Variants in RAB27A observed in about 807,000 individuals in gnomAD.
The protein encoded by RAB27A is RAB27A, member RAS oncogene family, also known as ras-related protein Rab-27A.
A neutral mutation model predicts 20.8 loss-of-function variants in RAB27A; 17 were observed. The ratio of observed to expected loss-of-function variants is 0.82; its 90% confidence interval spans 0.56 to 1.23. RAB27A has a LOEUF of 1.23. Among genes scored for constraint, RAB27A ranks in the 50% most tolerant of loss-of-function variants. The pLI is 0.00. For missense variants in RAB27A, 277 were observed against 266.7 expected, an observed-to-expected ratio of 1.04 and a Z score of -0.27; for synonymous variants, 85 against 92.8, an observed-to-expected ratio of 0.92 and a Z score of 0.48.
In RAB27A at chr15:55,228,643, A is replaced by G. The variant is rs371984177; in HGVS notation, c.309T>C (p.Asn103=). 3 of 1,612,962 alleles carry G rather than the reference A, an allele frequency of 1.9e-6. No homozygotes were observed. In the African/African-American group the frequency reaches 4.0e-5, roughly 22 times the overall value. The part of the protein sequence containing the change: ...MGFLLLFDLT[N]EQSFLNVRNW... Reference sequence around the variant, plus strand: ...TTCTGACATTGAGGAAACTTTGCTCATTTGTCAGATCAAAAAGTAGAAGAA... The same window carrying G: ...TTCTGACATTGAGGAAACTTTGCTCGTTTGTCAGATCAAAAAGTAGAAGAA... Residue 103 remains asparagine, a synonymous_variant, in exon 5 of 7, where the codon AAT becomes AAC. Coordinates refer to ENST00000336787, the MANE Select transcript of RAB27A (RefSeq NM_183235.3).
chr15:55,295,767 T>C lies in RAB27A; in HGVS notation c.-112+18272A>G, dbSNP rs549760228. ...TGAGGTGATGAAACTGTCTTGGAAC[T>C]AGATAGAAGTGGTATTTGCACAACA... On this transcript the variant is annotated intron_variant, in intron 2 of 5. Coordinates refer to the RAB27A transcript ENST00000563262. Among the ~76,000 whole-genome samples, 7 of 152,300 alleles carry C rather than the reference T, an allele frequency of 4.6e-5. No homozygotes were observed. In the South Asian group the frequency reaches 1.5e-3, roughly 32 times the overall value.
intron 2 of RAB27A, among the ~76,000 whole-genome samples, chr15:55,239,274 G>A (rs1007192564): frequency 1.3e-5 from 2 of 152,052 alleles, no homozygotes; most frequent in Non-Finnish European, 2.9e-5. Context: ...AATATAGACT[G>A]GTTCAAAACA....
chr15:55,315,311 G>C (rs956378674), intron 1 of RAB27A, among the ~76,000 whole-genome samples: 2 of 152,070 alleles, frequency 1.3e-5, no homozygotes, highest in African/African-American at 4.8e-5. Context: ...AAAAAGTCTA[G>C]AAGAAAACCT....
chr15:55,232,969 T>TA (rs1896092299), intron 3 of RAB27A, among the ~76,000 whole-genome samples: 1 of 151,614 alleles, frequency 6.6e-6, no homozygotes, highest in Non-Finnish European at 1.5e-5. Context: ...ACTAAAAATA[T>TA]AAACAATTAG....
At chr15:55,282,623 C>G (rs1298112232) in intron 1 of RAB27A, among the ~76,000 whole-genome samples, 4 of 152,150 alleles carry the variant, frequency 2.6e-5, no homozygotes, top group African/African-American at 9.7e-5. Context: ...TTCCTGGCAG[C>G]TGCGAGCTTA....
intron 2 of RAB27A, among the ~76,000 whole-genome samples, chr15:55,253,902 C>T (rs1223125116): frequency 6.6e-6 from 1 of 152,072 alleles, no homozygotes; most frequent in Non-Finnish European, 1.5e-5. Context: ...TGTAAGTATC[C>T]ACGTGTTTAT....
intron 2 of RAB27A, among the ~76,000 whole-genome samples, chr15:55,244,242 G>C (rs1310611980): frequency 6.6e-6 from 1 of 152,190 alleles, no homozygotes; most frequent in Admixed American, 6.5e-5. Context: ...TTGAACCTGG[G>C]AGGTGGAGGT....
intron 2 of RAB27A, chr15:55,269,926 C>G (rs1897649186): frequency 6.6e-6 from 1 of 152,074 alleles, no homozygotes; most frequent in African/African-American, 2.4e-5. Flanking sequence ...TTTCTTTATT[C>G]AAGTACAGAA....
intron 2 of RAB27A, among the ~76,000 whole-genome samples, chr15:55,260,950 T>C (rs543992615): frequency 2.0e-5 from 3 of 151,450 alleles, no homozygotes; most frequent in Admixed American, 6.6e-5. Flanking sequence ...AATGTGTCAA[T>C]AGAGGTTCAT....
rs201632705 is a variant in RAB27A at position 55,266,822 on chromosome 15, C to T, written c.-23+3343G>A. Among the ~76,000 whole-genome samples the T allele has an allele frequency of 4.6e-5, 7 of 152,286 alleles. No individual in the cohort carries two copies. The East Asian group carries it at 9.7e-4, about 21-fold the overall frequency. On this transcript the variant is annotated intron_variant, in intron 2 of 6. Transcript: ENST00000336787. ...AACTACCACATTACACTGTACGGTA[C>T]ACAACCAGTTAAACATCTCTCATGT...
At chr15:55,231,551 G>T (rs1025604155) in intron 3 of RAB27A, among the ~76,000 whole-genome samples, 1 of 152,124 alleles carries the variant, frequency 6.6e-6, no homozygotes, top group African/African-American at 2.4e-5. Context: ...AGTAAGCTTT[G>T]AGGTGTTTTT....
At chr15:55,258,845 G>C (rs942655081) in intron 2 of RAB27A, among the ~76,000 whole-genome samples, 1 of 152,186 alleles carries the variant, frequency 6.6e-6, no homozygotes, top group East Asian at 1.9e-4. Flanking sequence ...TTTTCTTTAA[G>C]ACAGAGTCTC....
At chr15:55,263,853 T>C (rs192436382) in intron 2 of RAB27A, among the ~76,000 whole-genome samples, 4 of 152,254 alleles carry the variant, frequency 2.6e-5, no homozygotes, top group African/African-American at 9.6e-5. Flanking sequence ...GATGTTAGAG[T>C]AACCATGATC....
At chr15:55,307,323 A>G (rs1426226160) in intron 2 of RAB27A, among the ~76,000 whole-genome samples, 4 of 152,048 alleles carry the variant, frequency 2.6e-5, no homozygotes. Context: ...AGCATTCTGT[A>G]TGGGCTAAGT....
intron 6 of RAB27A, among the ~76,000 whole-genome samples, chr15:55,221,152 G>A (rs1895550639): frequency 6.6e-6 from 1 of 152,120 alleles, no homozygotes; most frequent in South Asian, 2.1e-4. Flanking sequence ...TAAGACCGAG[G>A]GCACAGGAAA....
chr15:55,317,520 G>C (rs1465434486), intron 1 of RAB27A: 2 of 347,262 alleles, frequency 5.8e-6, no homozygotes, highest in Admixed American at 4.8e-5. Flanking sequence ...TCACCATGTT[G>C]GTCAGGCTGG....
chr15:55,255,299 C>G (rs1897038526), intron 2 of RAB27A, among the ~76,000 whole-genome samples: 1 of 152,186 alleles, frequency 6.6e-6, no homozygotes, highest in African/African-American at 2.4e-5. Context: ...TCGGGGTATT[C>G]CTTTAATCAA....
chr15:55,305,033 T>G (rs1322720816), intron 2 of RAB27A, among the ~76,000 whole-genome samples: 2 of 152,174 alleles, frequency 1.3e-5, no homozygotes, highest in African/African-American at 2.4e-5. Context: ...GATTGGCTAT[T>G]TCTTTTCCTC....
At chr15:55,307,074 A>G (rs2055000056) in intron 2 of RAB27A, among the ~76,000 whole-genome samples, 1 of 152,066 alleles carries the variant, frequency 6.6e-6, no homozygotes. Context: ...GTTGGGATAG[A>G]TAAAATGACT....
Sources: gnomAD v4.1 joint callset for allele counts (sites outside exome capture counted in the v4.1 genomes callset) on GRCh38, gnomAD v4.1.1 for gene constraint, MANE v1.5 for transcripts, NCBI Gene and HGNC (gene_info 2026-07-23, HGNC 2026-07-21) for gene names.